Variants in WDFY3 observed in about 807,000 individuals in gnomAD.
WDFY3 encodes WD repeat and FYVE domain-containing protein 3.
WDFY3 carries 66 observed loss-of-function variants against 409.6 expected under a neutral mutation model. That is an observed-to-expected ratio of 0.16 (90% confidence interval 0.13 to 0.20). The LOEUF is 0.20. WDFY3 is among the 10% of genes least tolerant of loss of function. WDFY3 has a pLI of 1.00. For synonymous variants in WDFY3, 1,521 were observed against 1,537.1 expected (o/e 0.99, Z 0.25); for missense variants, 3,031 against 4,298.1 (o/e 0.71, Z 8.24).
At position 84,944,740 on chromosome 4, in the gene WDFY3, C is replaced by T. The variant is rs1410445378; in HGVS notation, c.-225-12377G>A. Among the ~76,000 whole-genome samples, 6 of 151,982 alleles carry T rather than the reference C, an allele frequency of 3.9e-5. No homozygotes were observed. In the East Asian group the frequency reaches 7.7e-4, roughly 20 times the overall value. On this transcript the variant is annotated intron_variant, in intron 1 of 67. Transcript: ENST00000295888. Reference sequence around the variant, plus strand: ...ACCTGGGAGGCAGGTTGCAGTGAGCCGAGATCACGCCACTGCACTCCAGCC... The same window carrying T: ...ACCTGGGAGGCAGGTTGCAGTGAGCTGAGATCACGCCACTGCACTCCAGCC...
chr4:84,674,359 C>T (rs951411837), intron 67 of WDFY3, among the ~76,000 whole-genome samples: 2 of 151,500 alleles, frequency 1.3e-5, no homozygotes, highest in East Asian at 2.0e-4. Context: ...TGCTTGAGCC[C>T]GCGGCTGTGA....
chr4:84,784,858 GTATATATATATATATA>G (rs71670882), intron 24 of WDFY3, among the ~76,000 whole-genome samples: 89 of 89,010 alleles, frequency 1.0e-3, no homozygotes, highest in African/African-American at 4.0e-3. Context: ...AAGTGTATAT[GTATATATATATATATA>G]TATATATATA....
chr4:84,911,441 C>G (rs753908693), intron 2 of WDFY3, among the ~76,000 whole-genome samples: 2 of 152,058 alleles, frequency 1.3e-5, no homozygotes, highest in African/African-American at 4.8e-5. Flanking sequence ...GAGGTATAAT[C>G]GCACCACTAC....
chr4:84,934,917 T>C (rs1040338031), intron 1 of WDFY3, among the ~76,000 whole-genome samples: 5 of 152,126 alleles, frequency 3.3e-5, no homozygotes, highest in East Asian at 3.9e-4. Context: ...CTGAACAATA[T>C]AGTGTTCCAT....
intron 2 of WDFY3, among the ~76,000 whole-genome samples, chr4:84,926,851 T>G (rs1425247226): frequency 6.6e-6 from 1 of 152,170 alleles, no homozygotes; most frequent in Non-Finnish European, 1.5e-5. Context: ...CAACAGAGTT[T>G]TTTCTAAGAA....
chr4:84,859,510 C>G (rs377716673), intron 4 of WDFY3, among the ~76,000 whole-genome samples: 34 of 152,160 alleles, frequency 2.2e-4, no homozygotes, highest in Admixed American at 2.0e-4. Flanking sequence ...AACCTATAAG[C>G]CTGTGAAACT....
At chr4:84,802,543 C>T (rs1750787013) in intron 16 of WDFY3, among the ~76,000 whole-genome samples, 2 of 152,122 alleles carry the variant, frequency 1.3e-5, no homozygotes, top group African/African-American at 2.4e-5. Context: ...GCTGGGATTA[C>T]AGGCGTGAGC....
intron 51 of WDFY3, among the ~76,000 whole-genome samples, chr4:84,709,927 T>C (rs1481367470): frequency 6.6e-6 from 1 of 152,208 alleles, no homozygotes; most frequent in Non-Finnish European, 1.5e-5. Context: ...TGGTTTACCA[T>C]GTTGGCCAGG....
chr4:84,821,437 G>C lies in WDFY3; in HGVS notation c.1238C>G (p.Ala413Gly), dbSNP rs2149822558. Reference protein sequence around the residue: ...ILDAITNIYMADNANYFILES... With the variant: ...ILDAITNIYMGDNANYFILES... ...TAGGATGAAGTAATTGGCATTGTCA[G>C]CCATGTAAATATTTGTGATAGCATC... The change falls in exon 11 of 68, where the codon GCT (alanine) becomes GGT (glycine). Residue 413 changes from alanine to glycine, a missense_variant. Ala to Gly is a moderately conservative substitution (Grantham distance 60). Around this residue, in one of 16 missense-constraint regions of WDFY3, gnomAD observed 1,322 missense variants for 1,697.9 expected, o/e 0.78. Transcript: ENST00000295888. 6.2e-7 allele frequency: 1 copy of C among 1,613,840 alleles called. No individual in the cohort carries two copies. Among genetic ancestry groups the C allele is most frequent in the East Asian group, 2.2e-5 (1 of 44,858 alleles).
chr4:84,709,266 G>A lies in WDFY3; in HGVS notation c.8097+27C>T, dbSNP rs2148988710. ...TTCTACTCTAATTACGAACTTCTAA[G>A]GAAGCTCATATATTCATTAAACTTA... On this transcript the variant is annotated intron_variant, in intron 52 of 67. Coordinates refer to ENST00000295888, the MANE Select transcript of WDFY3 (RefSeq NM_014991.6). 4.4e-6 allele frequency: 7 copies of A among 1,591,658 alleles called. 1 individual carries two copies. The Admixed American group carries it at 7.3e-5, about 17-fold the overall frequency.
rs1202541424 is a variant in WDFY3, at chr4:84,947,728, A to G, written c.-225-15365T>C. On this transcript the variant is annotated intron_variant, in intron 1 of 67. Transcript: ENST00000295888. ...CATCTACCAAAAAAAAAAAAAAAAAAAACATTAGCCAGGCATGGTGGCATG... is the reference window on the plus strand; with the variant it reads ...CATCTACCAAAAAAAAAAAAAAAAAGAACATTAGCCAGGCATGGTGGCATG... Among the ~76,000 whole-genome samples, 6 of 148,960 alleles carry G rather than the reference A, an allele frequency of 4.0e-5. No homozygotes were observed. The East Asian group carries it at 5.9e-4, about 15-fold the overall frequency.
At chr4:84,787,234 T>A (rs995599796) in intron 23 of WDFY3, among the ~76,000 whole-genome samples, 8 of 152,146 alleles carry the variant, frequency 5.3e-5, no homozygotes, top group Admixed American at 3.9e-4. Context: ...GGCATATACC[T>A]ATATCTCAGA....
At chr4:84,687,333 G>A (rs1052470607) in intron 62 of WDFY3, among the ~76,000 whole-genome samples, 7 of 152,018 alleles carry the variant, frequency 4.6e-5, no homozygotes, top group African/African-American at 1.5e-4. Flanking sequence ...AGTAGAGACG[G>A]AGTTTCACCA....
At chr4:84,816,744 T>C (rs1375833116) in intron 13 of WDFY3, among the ~76,000 whole-genome samples, 23 of 152,074 alleles carry the variant, frequency 1.5e-4, no homozygotes, top group Admixed American at 1.5e-3. Context: ...ACCAGTAATA[T>C]GGGAGAATGT....
chr4:84,782,085 C>T (rs1328089047), intron 25 of WDFY3, among the ~76,000 whole-genome samples: 1 of 152,060 alleles, frequency 6.6e-6, no homozygotes, highest in Admixed American at 6.5e-5. Context: ...AACAAAAAAA[C>T]AAAAACAAAA....
At chr4:84,775,576 T>C (rs1201614403) in intron 27 of WDFY3, among the ~76,000 whole-genome samples, 1 of 151,632 alleles carries the variant, frequency 6.6e-6, no homozygotes, top group Non-Finnish European at 1.5e-5. Flanking sequence ...GAATGAAGCA[T>C]AAGAAAAAAA....
intron 26 of WDFY3, 128 bp downstream of exon 26, chr4:84,779,980 C>A: frequency 2.8e-6 from 3 of 1,056,422 alleles, no homozygotes; most frequent in East Asian, 2.6e-5. Flanking sequence ...TTTCATAAAA[C>A]TACTGTCTCT....
intron 25 of WDFY3, among the ~76,000 whole-genome samples, chr4:84,782,228 A>G (rs79693700): frequency 0.021 from 3,201 of 152,338 alleles, 112 homozygotes; most frequent in African/African-American, 0.073. Flanking sequence ...AAAACTCATG[A>G]GCTATATACC....
chr4:84,932,491 A>T (rs1419235762), intron 1 of WDFY3, 128 bp from the exon 2 acceptor site: 1 of 152,172 alleles, frequency 6.6e-6, no homozygotes. Context: ...AACATATAGC[A>T]CTTTATTTAA....
Sources: gnomAD v4.1 joint callset for allele counts (sites outside exome capture counted in the v4.1 genomes callset) on GRCh38, gnomAD v4.1.1 for gene constraint, gnomAD v4.1.1 regional missense constraint, MANE v1.5 for transcripts, NCBI Gene and HGNC (gene_info 2026-07-23, HGNC 2026-07-21) for gene names.